The following SLIT1 variants were observed in gnomAD, a reference collection of about 807,000 sequenced individuals.
SLIT1 encodes slit guidance ligand 1.
SLIT1 carries 66 observed loss-of-function variants against 186.1 expected under a neutral mutation model. That is an observed-to-expected ratio of 0.35 (90% CI 0.29 to 0.44). SLIT1 has a LOEUF of 0.44. Ranked by LOEUF, SLIT1 falls within the 20% of genes least tolerant of loss-of-function variation. SLIT1 has a pLI of 1.00. For missense variants in SLIT1, 1,638 were observed against 2,037.4 expected, an observed-to-expected ratio of 0.80 and a Z score of 3.77; for synonymous variants, 761 against 833.8, an observed-to-expected ratio of 0.91 and a Z score of 1.50.
At chr10:97,087,659 G>T (rs1456705517) in intron 4 of SLIT1, among the ~76,000 whole-genome samples, 1 of 152,108 alleles carries the variant, frequency 6.6e-6, no homozygotes, top group Non-Finnish European at 1.5e-5. Context: ...TGAGCCTCCT[G>T]ATCACACTCT....
At position 97,064,867 on chromosome 10, in the gene SLIT1, G is replaced by T; in HGVS notation, c.495C>A (p.Asp165Glu). The T allele has an allele frequency of 6.2e-7, 1 of 1,612,870 alleles. No homozygotes were observed. Among genetic ancestry groups the T allele is most frequent in the Non-Finnish European group, 8.5e-7 (1 of 1,179,390 alleles). The stretch of plus-strand genomic sequence containing the variant: ...CCTCAATGCAGCTGATCTGGTTCTT[G>T]TCCAGCTGTCTGTGAAGCAAAGGAA... ...GATDLKNLQL[D>E]KNQISCIEEG... The change falls in exon 6 of 37, where the codon GAC becomes GAA. Residue 165 changes from aspartate (D) to glutamate (E), a missense_variant. By Grantham distance (45) the Asp-to-Glu change is conservative. Transcript: ENST00000266058.
chr10:97,007,140 C>T (rs1453832328), intron 31 of SLIT1, among the ~76,000 whole-genome samples: 2 of 152,142 alleles, frequency 1.3e-5, no homozygotes, highest in Non-Finnish European at 2.9e-5. Flanking sequence ...TTACTACCAA[C>T]CTCATAGAAA....
intron 5 of SLIT1, chr10:97,065,392 G>C (rs1309736272): frequency 6.5e-6 from 1 of 154,164 alleles, no homozygotes; most frequent in African/African-American, 2.4e-5. Context: ...CGAGGTTGGG[G>C]GTGTGTGTGA....
intron 4 of SLIT1, among the ~76,000 whole-genome samples, chr10:97,128,411 A>G (rs2134692814): frequency 6.6e-6 from 1 of 151,938 alleles, no homozygotes; most frequent in Non-Finnish European, 1.5e-5. Flanking sequence ...GCATGCTCAC[A>G]CTCTCCCCAA....
chr10:97,050,514 C>T (rs965404911), intron 13 of SLIT1, among the ~76,000 whole-genome samples: 1 of 152,224 alleles, frequency 6.6e-6, no homozygotes, highest in Non-Finnish European at 1.5e-5. Flanking sequence ...TGGACCAGGT[C>T]CCTCCCACCT....
In SLIT1 at chr10:97,056,021, T is replaced by C. The variant is rs949722661; in HGVS notation, c.1301+300A>G. On this transcript the variant is annotated intron_variant, in intron 13 of 36. Transcript: ENST00000266058. ...CATTTATCAAGCACTTGTGATGAGC[T>C]AAGCTTCATACAAACATCCTCCTTA... Among the ~76,000 whole-genome samples, 7 of 152,244 alleles carry C rather than the reference T, an allele frequency of 4.6e-5. No homozygotes were observed. The South Asian group carries it at 1.2e-3, about 27-fold the overall frequency.
Position 97,060,590 on chromosome 10 carries a change from C to T in SLIT1, c.941+50G>A, listed in dbSNP as rs374684192. 3.1e-6 allele frequency: 5 copies of T among 1,607,676 alleles called. No homozygotes were observed. The African/African-American group carries it at 6.7e-5, about 21-fold the overall frequency. ...CAGCTCTTCACTGGCCCTCCAGAGC[C>T]AGGCCTGCCAAAGGGCTGTGCCCCA... On this transcript the variant is annotated intron_variant, in intron 9 of 36. Coordinates refer to ENST00000266058, the MANE Select transcript of SLIT1 (RefSeq NM_003061.3).
In SLIT1 at chr10:97,151,135, G is replaced by A. The variant is rs997916232; in HGVS notation, c.413+6683C>T. On this transcript the variant is annotated intron_variant, in intron 4 of 36. Coordinates refer to ENST00000266058, the MANE Select transcript of SLIT1 (RefSeq NM_003061.3). ...GACCTGTCACCTCCTAAGAGGCAGGGCCACACTCATCCATCTTACCTAGAC... is the reference window on the plus strand; with the variant it reads ...GACCTGTCACCTCCTAAGAGGCAGGACCACACTCATCCATCTTACCTAGAC... Among the ~76,000 whole-genome samples, 71 of 152,158 alleles carry A rather than the reference G, an allele frequency of 4.7e-4. 1 individual carries two copies. The highest frequency in any genetic ancestry group is 4.4e-3 in the Admixed American group (67 of 15,280).
chr10:96,999,963 C>T lies in SLIT1; in HGVS notation c.*1149G>A, dbSNP rs1848288919. On this transcript the variant is annotated 3_prime_UTR_variant, in exon 37 of 37. Transcript: ENST00000266058. Reference sequence around the variant, plus strand: ...GATAGATAGATAGGTCTTCTAACTCCTCTGGCCTCCCAAGACCACAGTGGG... The same window carrying T: ...GATAGATAGATAGGTCTTCTAACTCTTCTGGCCTCCCAAGACCACAGTGGG... 6.6e-6 allele frequency: 1 copy of T among 152,284 alleles called. No individual in the cohort carries two copies. Among genetic ancestry groups the T allele is most frequent in the South Asian group, 2.1e-4 (1 of 4,832 alleles). 9.4% of individuals were successfully genotyped at this position (152,284 alleles called of 1,614,324 possible). A position where few individuals can be genotyped will look rare whatever the true frequency, so the allele number is the denominator to read the frequency against.
intron 28 of SLIT1, among the ~76,000 whole-genome samples, chr10:97,015,563 A>C (rs1848448165): frequency 6.6e-6 from 1 of 152,250 alleles, no homozygotes; most frequent in Non-Finnish European, 1.5e-5. Context: ...GGAAAAGATC[A>C]AACGCTGTGT....
At chr10:97,145,500 A>G (rs1589410345) in intron 4 of SLIT1, among the ~76,000 whole-genome samples, 1 of 152,126 alleles carries the variant, frequency 6.6e-6, no homozygotes, top group Non-Finnish European at 1.5e-5. Context: ...GTCAGGCACA[A>G]TTCTGATGTG....
intron 4 of SLIT1, among the ~76,000 whole-genome samples, chr10:97,071,058 C>A (rs986967943): frequency 6.6e-6 from 1 of 152,168 alleles, no homozygotes; most frequent in Non-Finnish European, 1.5e-5. Context: ...GATTCACCCA[C>A]CTCAGCCTCC....
At position 97,014,047 on chromosome 10, in the gene SLIT1, G is replaced by A. The variant is rs375810547; in HGVS notation, c.3081C>T (p.Tyr1027=). 61 of 1,613,536 alleles carry A rather than the reference G, an allele frequency of 3.8e-5. No homozygotes were observed. Among genetic ancestry groups the A allele is most frequent in the Non-Finnish European group, 4.8e-5 (57 of 1,179,996 alleles). The change falls in exon 29 of 37, where the codon TAC becomes TAT. Residue 1027 remains tyrosine, a synonymous_variant. Coordinates refer to ENST00000266058, the MANE Select transcript of SLIT1 (RefSeq NM_003061.3). ...CATACTGCAGGGGGCACTGGCAGGT[G>A]TAGTTGCCCACACCATCCACACAGA... The part of the protein sequence containing the change: ...GGVCVDGVGN[Y]TCQCPLQYEG...
chr10:97,147,640 G>A (rs886138419), intron 4 of SLIT1, among the ~76,000 whole-genome samples: 6 of 151,682 alleles, frequency 4.0e-5, no homozygotes, highest in Non-Finnish European at 7.4e-5. Context: ...GGGAGGGGGG[G>A]GAAGGAGGCC....
intron 8 of SLIT1, 76 bp from the exon 9 acceptor site, chr10:97,060,863 A>C: frequency 6.9e-7 from 1 of 1,451,882 alleles, no homozygotes; most frequent in Non-Finnish European, 9.2e-7. Context: ...CGACTGATGG[A>C]TGGGATAGGG....
At chr10:97,081,753 G>C (rs1310972402) in intron 4 of SLIT1, among the ~76,000 whole-genome samples, 5 of 152,132 alleles carry the variant, frequency 3.3e-5, no homozygotes, top group African/African-American at 1.2e-4. Context: ...GTTGGCTGAG[G>C]GTCATCTGCA....
At chr10:97,140,754 T>C (rs1849749855) in intron 4 of SLIT1, among the ~76,000 whole-genome samples, 1 of 152,190 alleles carries the variant, frequency 6.6e-6, no homozygotes, top group Non-Finnish European at 1.5e-5. Flanking sequence ...CCTCGGCACC[T>C]CTGGTTTTGC....
chr10:97,010,314 A>G lies in SLIT1; in HGVS notation c.3341+679T>C, dbSNP rs904978283. Among the ~76,000 whole-genome samples the G allele has an allele frequency of 3.3e-5, 5 of 152,252 alleles. No individual in the cohort carries two copies. The highest frequency in any genetic ancestry group is 6.5e-5 in the Admixed American group (1 of 15,292). ...GTGAAAGCAGCCAGTCACAAAGGAC[A>G]ACAGACTGTACGATTCGACTTATAG... is the stretch of plus-strand genomic sequence containing the variant. On this transcript the variant is annotated intron_variant, in intron 31 of 36. Transcript: ENST00000266058. The surrounding 1 kb of genome is among the most constrained non-coding windows in gnomAD (Gnocchi z 4.8).
At chr10:97,128,558 C>T (rs1849624623) in intron 4 of SLIT1, among the ~76,000 whole-genome samples, 1 of 152,330 alleles carries the variant, frequency 6.6e-6, no homozygotes, top group African/African-American at 2.4e-5. Flanking sequence ...TAACAGGCCC[C>T]TCCTGCCCTG....
Sources: allele counts gnomAD v4.1 joint callset (sites outside exome capture counted in the v4.1 genomes callset), GRCh38; gene constraint gnomAD v4.1.1; non-coding constraint Gnocchi (gnomAD v3.1); transcripts MANE v1.5; gene names NCBI Gene and HGNC (gene_info 2026-07-23, HGNC 2026-07-21).